The following MEGF6 variants were observed in gnomAD, a reference collection of about 807,000 sequenced individuals.
MEGF6 encodes multiple epidermal growth factor-like domains protein 6.
Under a neutral mutation model 207.1 loss-of-function variants are expected in MEGF6, and 184 were observed. The ratio of observed to expected loss-of-function variants is 0.89; its 90% CI spans 0.79 to 1.00. The LOEUF (loss-of-function observed/expected upper bound fraction) is 1.00, where lower values mean the gene tolerates loss of function less well. MEGF6 is among the 50% of genes least tolerant of loss of function. The pLI is 0.00. For synonymous variants in MEGF6, 1,038 were observed against 910.0 expected (o/e 1.14, Z -2.53); for missense variants, 2,282 against 2,202.9 (o/e 1.04, Z -0.72).
chr1:3,616,688 G>A, the MEGF6 span, among the ~76,000 whole-genome samples: 1 of 152,202 alleles, frequency 6.6e-6, no homozygotes, highest in South Asian at 2.1e-4. Context: ...AGCCGACTCT[G>A]AATTCATTTC....
chr1:3,514,546 C>T lies in MEGF6; in HGVS notation c.853+4G>A. ...CGGGGCGGAGCAGGGGAGGGGCGTC[C>T]TACCTTCACAGGCCTTGCCGTCCGC... On this transcript the variant is annotated splice_donor_region_variant and intron_variant, in intron 7 of 36. Transcript: ENST00000356575. The T allele has an allele frequency of 6.3e-7, 1 of 1,589,800 alleles. No homozygotes were observed.
intron 4 of MEGF6, 70 bp downstream of exon 4, chr1:3,579,755 G>A (rs1363427375): frequency 9.4e-6 from 11 of 1,170,900 alleles, no homozygotes; most frequent in African/African-American, 3.2e-5. Flanking sequence ...GCCAGTGGCC[G>A]ACACATCCTC....
intron 4 of MEGF6, among the ~76,000 whole-genome samples, chr1:3,548,517 G>A (rs932267856): frequency 3.3e-5 from 5 of 152,240 alleles, no homozygotes; most frequent in African/African-American, 4.8e-5. Flanking sequence ...AAGGCCAGGG[G>A]TCAGAGCCAA....
At position 3,509,871 on chromosome 1, in the gene MEGF6, G is replaced by T; in HGVS notation, c.1356C>A (p.Ser452Arg). 6.4e-7 allele frequency: 1 copy of T among 1,552,924 alleles called. No homozygotes were observed. ...CTCCGCGGAGGGCGGGAGACTCACG[G>T]CTGCAGCCCCTACGGTCCTCGTGCA... ...YRLHEDRRGC[S>R]PLEEPMVDLD... is the part of the protein sequence containing the mutation. The change falls in exon 11 of 37, where the codon AGC (serine) becomes AGA (arginine). Residue 452 changes from serine to arginine, a missense_variant and splice_region_variant. Transcript: ENST00000356575.
intron 4 of MEGF6, among the ~76,000 whole-genome samples, chr1:3,541,872 C>T (rs1053533482): frequency 2.6e-5 from 4 of 152,182 alleles, no homozygotes; most frequent in Non-Finnish European, 5.9e-5. Flanking sequence ...TGAGCTCACC[C>T]CCTTACAGCA....
At chr1:3,539,166 C>T (rs969660645) in intron 4 of MEGF6, among the ~76,000 whole-genome samples, 9 of 152,158 alleles carry the variant, frequency 5.9e-5, no homozygotes, top group East Asian at 3.9e-4. Context: ...AGAGATGGGG[C>T]GTGGTGGGGA....
chr1:3,562,225 T>A (rs138271999), intron 4 of MEGF6, among the ~76,000 whole-genome samples: 91 of 152,316 alleles, frequency 6.0e-4, no homozygotes, highest in African/African-American at 2.1e-3. Flanking sequence ...TTTTCCTCCA[T>A]CTCTATCTTT....
At chr1:3,502,052 G>GGCTCCTGGCGAGTGTGCCCCCCCA in intron 17 of MEGF6, 131 bp from the exon 18 acceptor site, 2 of 270,372 alleles carry the variant, frequency 7.4e-6, no homozygotes, top group Non-Finnish European at 4.6e-6. Flanking sequence ...TGCCCCCCCG[G>GGCTCCTGGCGAGTGTGCCCCCCCA]CGCCTCCTCA....
At chr1:3,575,643 A>G (rs1296554138) in intron 4 of MEGF6, among the ~76,000 whole-genome samples, 3 of 116,666 alleles carry the variant, frequency 2.6e-5, no homozygotes. Context: ...TCTTACATGG[A>G]TGGCAGCAGG....
rs372356784 is a variant in MEGF6 at position 3,512,025 on chromosome 1, G to A, written c.957C>T (p.Ala319=). 4.8e-5 allele frequency: 77 copies of A among 1,612,492 alleles called. No homozygotes were observed. Among genetic ancestry groups the A allele is most frequent in the African/African-American group, 4.5e-4 (34 of 75,042 alleles). ...ACTCACGGTAGCACTGCCGGCCATC[G>A]GCGCCCAGCTCATAGCCCGCGTGAC... ...CVCHAGYELG[A]DGRQCYRIEM... The change falls in exon 8 of 37, where the codon GCC becomes GCT. Residue 319 remains alanine, a synonymous_variant. Transcript: ENST00000356575.
intron 4 of MEGF6, among the ~76,000 whole-genome samples, chr1:3,564,982 C>T (rs562269006): frequency 1.5e-3 from 227 of 152,262 alleles, no homozygotes; most frequent in African/African-American, 5.2e-3. Flanking sequence ...ACATTCTCTA[C>T]GGCAGGCACC....
At position 3,496,740 on chromosome 1, in the gene MEGF6, A is replaced by C. The variant is rs770214379; in HGVS notation, c.3657T>G (p.Cys1219Trp). Residue 1219 changes from cysteine to tryptophan, a missense_variant, in exon 29 of 37, where the codon TGT (cysteine) becomes TGG (tryptophan). Coordinates refer to ENST00000356575, the MANE Select transcript of MEGF6 (RefSeq NM_001409.4). ...CACAGGAGCCCCCGTTGAGACACCC[A>C]CACAGCTGTTCACAGCCTGGCCCAT... is the stretch of plus-strand genomic sequence containing the variant. ...GRYGPGCEQL[C>W]GCLNGGSCDA... is the part of the protein sequence containing the mutation. 13 of 1,559,870 alleles carry C rather than the reference A, an allele frequency of 8.3e-6. No individual in the cohort carries two copies. The highest frequency in any genetic ancestry group is 1.1e-5 in the Non-Finnish European group (13 of 1,152,464).
intron 4 of MEGF6, among the ~76,000 whole-genome samples, chr1:3,576,179 G>A (rs558698444): frequency 3.3e-5 from 5 of 152,358 alleles, no homozygotes; most frequent in Admixed American, 3.3e-4. Flanking sequence ...CCCAGCGCCG[G>A]GCCCTCCACC....
chr1:3,557,907 T>C (rs2101624792), intron 4 of MEGF6, among the ~76,000 whole-genome samples: 1 of 152,306 alleles, frequency 6.6e-6, no homozygotes, highest in Middle Eastern at 3.4e-3. Flanking sequence ...CCACAGGCTC[T>C]CAGGAAACAA....
chr1:3,622,865 G>A, the MEGF6 span, among the ~76,000 whole-genome samples: 2 of 152,194 alleles, frequency 1.3e-5, no homozygotes, highest in Non-Finnish European at 2.9e-5. Context: ...TCCATACTGA[G>A]TGAAATTTGT....
intron 4 of MEGF6, chr1:3,531,258 C>CATGT (rs1642156741): frequency 2.2e-6 from 3 of 1,374,248 alleles, no homozygotes; most frequent in Non-Finnish European, 2.8e-6. Context: ...CCTGGTAGGC[C>CATGT]GGCGGGCGGG....
rs896539384 is a variant in MEGF6, at chr1:3,500,740, G to A, written c.2600C>T (p.Pro867Leu). The A allele has an allele frequency of 3.7e-6, 6 of 1,603,136 alleles. No individual in the cohort carries two copies. The African/African-American group carries it at 5.3e-5, about 14-fold the overall frequency. Reference sequence around the variant, plus strand: ...GCAGTTGCAGGGGTGGCTGCAGTCAGGTCCCCAGTGCCCAGTATCACAGGC... The same window carrying A: ...GCAGTTGCAGGGGTGGCTGCAGTCAAGTCCCCAGTGCCCAGTATCACAGGC... ...QRACDTGHWG[P>L]DCSHPCNCSA... Residue 867 changes from proline to leucine, a missense_variant, in exon 21 of 37, where the codon CCT becomes CTT. Transcript: ENST00000356575.
chr1:3,501,445 G>A (rs1056875104), intron 18 of MEGF6, 137 bp from the exon 19 acceptor site: 18 of 1,319,290 alleles, frequency 1.4e-5, no homozygotes, highest in Middle Eastern at 2.0e-4. Context: ...CCCGGGGAGG[G>A]GAGAGGACCC....
chr1:3,500,072 A>C, intron 21 of MEGF6, 148 bp from the exon 22 acceptor site: 1 of 1,257,394 alleles, frequency 8.0e-7, no homozygotes, highest in South Asian at 1.6e-5. Context: ...GGGCTCACTC[A>C]CATGCTTCAT....
Sources: allele counts gnomAD v4.1 joint callset (sites outside exome capture counted in the v4.1 genomes callset), GRCh38; gene constraint gnomAD v4.1.1; transcripts MANE v1.5; gene names NCBI Gene and HGNC (gene_info 2026-07-23, HGNC 2026-07-21).